The following NMD3 variants were observed in gnomAD, a reference collection of about 807,000 sequenced individuals.
NMD3 encodes NMD3 ribosome export adaptor.
Under a neutral mutation model 73.1 loss-of-function variants are expected in NMD3, and 47 were observed. The observed-to-expected ratio is 0.64, with a 90% CI of 0.51 to 0.82. NMD3 has a LOEUF of 0.82. Ranked by LOEUF, NMD3 falls within the 40% of genes least tolerant of loss-of-function variation. The probability of loss-of-function intolerance (pLI) is 0.00; values close to 1 mark genes in which losing one functional copy is unlikely to be tolerated. For missense variants in NMD3, 554 were observed against 612.5 expected (o/e 0.90, Z 1.01); for synonymous variants, 210 against 194.5 (o/e 1.08, Z -0.66).
chr3:161,221,956 CTCTTTT>C, intron 1 of NMD3, 32 bp from the exon 2 acceptor site: 1 of 1,029,930 alleles, frequency 9.7e-7, no homozygotes, highest in Non-Finnish European at 1.4e-6. Context: ...TCCCAACATT[CTCTTTT>C]TTTTTTTTTT....
chr3:161,238,251 A>G (rs1486587240), intron 8 of NMD3, 60 bp downstream of exon 8: 15 of 1,015,306 alleles, frequency 1.5e-5, no homozygotes, highest in East Asian at 4.9e-5. Context: ...TGCGGATCAC[A>G]TATATTCTTC....
intron 2 of NMD3, among the ~76,000 whole-genome samples, chr3:161,223,609 A>G (rs1444422526): frequency 6.6e-6 from 1 of 152,134 alleles, no homozygotes; most frequent in Non-Finnish European, 1.5e-5. Flanking sequence ...AATGTTCATT[A>G]GAGATAAGTA....
At position 161,252,237 on chromosome 3, in the gene NMD3, A is replaced by G. The variant is rs1279156780; in HGVS notation, c.*1327A>G. ...AAGTTCTCATTGGTGGTCTGTGTTT[A>G]CATCTTCCGTGTCAAGATATTTTAA... is the stretch of plus-strand genomic sequence containing the variant. On this transcript the variant is annotated 3_prime_UTR_variant, in exon 16 of 16. Transcript: ENST00000351193. 2 of 152,180 alleles carry G rather than the reference A, an allele frequency of 1.3e-5. No homozygotes were observed. The highest frequency in any genetic ancestry group is 2.9e-5 in the Non-Finnish European group (2 of 68,040). 9.4% of individuals were successfully genotyped at this position (152,180 alleles called of 1,614,324 possible). A position where few individuals can be genotyped will look rare whatever the true frequency, so the allele number is the denominator to read the frequency against.
intron 12 of NMD3, 52 bp from the exon 13 acceptor site, chr3:161,247,206 G>A: frequency 2.5e-6 from 3 of 1,179,834 alleles, no homozygotes; most frequent in African/African-American, 1.5e-5. Flanking sequence ...AAAATAAAAA[G>A]TTACACACAA....
chr3:161,242,482 T>C (rs752665987), intron 10 of NMD3, 26 bp from the exon 11 acceptor site: 2 of 1,596,606 alleles, frequency 1.3e-6, no homozygotes. Context: ...TTTTCTTATG[T>C]TTTTGTGTTC....
intron 5 of NMD3, among the ~76,000 whole-genome samples, chr3:161,234,179 A>G (rs77494833): frequency 0.032 from 4,816 of 151,944 alleles, 113 homozygotes; most frequent in South Asian, 0.13. Flanking sequence ...GTAAACATGT[A>G]TAGGCTGGGC....
intron 15 of NMD3, among the ~76,000 whole-genome samples, 191 bp from the exon 16 acceptor site, chr3:161,250,589 T>C (rs1019701540): frequency 3.3e-5 from 5 of 152,204 alleles, no homozygotes; most frequent in Admixed American, 2.6e-4. Context: ...AAGTATATTC[T>C]TACAGTTACT....
intron 4 of NMD3, among the ~76,000 whole-genome samples, chr3:161,233,128 TA>T (rs1350958547): frequency 6.8e-6 from 1 of 146,246 alleles, no homozygotes; most frequent in Non-Finnish European, 1.5e-5. Flanking sequence ...TTTTTTTTTT[TA>T]AGGGAAAAGA....
intron 2 of NMD3, chr3:161,222,940 A>C (rs762262921): frequency 1.3e-5 from 2 of 152,242 alleles, no homozygotes; most frequent in Non-Finnish European, 2.9e-5. Flanking sequence ...GGGTTTGAAT[A>C]AGCCATCTGA....
In NMD3 at chr3:161,231,483, T is replaced by A. The variant is rs547549367; in HGVS notation, c.277-1916T>A. On this transcript the variant is annotated intron_variant, in intron 4 of 15. Coordinates refer to ENST00000351193, the MANE Select transcript of NMD3 (RefSeq NM_015938.5). ...GTGTGGATATTGAAATCGCTAGGTA[T>A]TAATATTGTTGGAAAGTGTGATGGT... Among the ~76,000 whole-genome samples the A allele has an allele frequency of 4.4e-4, 67 of 152,276 alleles. No homozygotes were observed. In the South Asian group the frequency reaches 7.0e-3, roughly 16 times the overall value.
chr3:161,242,356 G>A, intron 10 of NMD3, 152 bp from the exon 11 acceptor site: 1 of 594,954 alleles, frequency 1.7e-6, no homozygotes, highest in Non-Finnish European at 2.9e-6. Context: ...TGGTTTATAG[G>A]AGTAATTGAT....
rs1413237465 is a variant in NMD3 at position 161,242,625 on chromosome 3, C to T, written c.989C>T (p.Ala330Val). The change falls in exon 11 of 16, where the codon GCT (alanine) becomes GTT (valine). Residue 330 changes from alanine to valine, a missense_variant. Transcript: ENST00000351193. ...ECSIVQDIKR[A>V]AGAGMISKKH... ...AGCATAGTCCAAGATATAAAACGTG[C>T]TGCAGGTGCTGGAATGATATCAAAA... is the stretch of plus-strand genomic sequence containing the variant. 6.2e-7 allele frequency: 1 copy of T among 1,612,852 alleles called. No homozygotes were observed.
intron 13 of NMD3, among the ~76,000 whole-genome samples, chr3:161,248,218 G>A (rs1425332210): frequency 2.0e-5 from 3 of 151,916 alleles, no homozygotes; most frequent in South Asian, 2.1e-4. Context: ...AGCCGGGTGC[G>A]GTGGCTCATG....
chr3:161,238,815 C>G lies in NMD3; in HGVS notation c.742C>G (p.Pro248Ala), dbSNP rs1201882209. The change falls in exon 9 of 16, where the codon CCA becomes GCA. Residue 248 changes from proline (P) to alanine (A), a missense_variant. Coordinates refer to ENST00000351193, the MANE Select transcript of NMD3 (RefSeq NM_015938.5). The stretch of plus-strand genomic sequence containing the variant: ...AAGCACTTTTTCTGTGGAAATTGTT[C>G]CAATATGCAAGGTACTTTTCTTTTT... ...YKSTFSVEIV[P>A]ICKDNVVCLS... is the part of the protein sequence containing the mutation. 1 of 1,493,532 alleles carries G rather than the reference C, an allele frequency of 6.7e-7. No homozygotes were observed. Among genetic ancestry groups the G allele is most frequent in the Non-Finnish European group, 9.3e-7 (1 of 1,080,648 alleles). 92.5% of individuals were successfully genotyped at this position (1,493,532 alleles called of 1,614,324 possible). A position where few individuals can be genotyped will look rare whatever the true frequency, so the allele number is the denominator to read the frequency against.
At chr3:161,225,392 G>A (rs1476062485) in intron 3 of NMD3, among the ~76,000 whole-genome samples, 2 of 151,350 alleles carry the variant, frequency 1.3e-5, no homozygotes, top group African/African-American at 4.9e-5. Context: ...TTATTATGAG[G>A]TTTTTTTTTC....
chr3:161,233,623 G>A lies in NMD3; in HGVS notation c.357+144G>A, dbSNP rs548704562. ...GCTGTTTGTTTTCTTTTGAGCATCT[G>A]TACAAATAATTAGATCACTAGTAAG... On this transcript the variant is annotated intron_variant, in intron 5 of 15. Transcript: ENST00000351193. 5.8e-6 allele frequency: 3 copies of A among 520,548 alleles called. No individual in the cohort carries two copies. In the East Asian group the frequency reaches 9.0e-5, roughly 16 times the overall value. The allele number at this position is 520,548 out of a possible 1,614,324, so 32.2% of individuals were successfully genotyped here.
chr3:161,234,815 C>A lies in NMD3; in HGVS notation c.446C>A (p.Ala149Asp). The A allele has an allele frequency of 6.2e-7, 1 of 1,613,284 alleles. No individual in the cohort carries two copies. The highest frequency in any genetic ancestry group is 8.5e-7 in the Non-Finnish European group (1 of 1,179,546). The change falls in exon 6 of 16, where the codon GCT (alanine) becomes GAT (aspartate). Residue 149 changes from alanine (A) to aspartate (D), a missense_variant. Coordinates refer to ENST00000351193, the MANE Select transcript of NMD3 (RefSeq NM_015938.5). ...QMCGDCHRVE[A>D]KDFWKAVIQV... ...TGTGGAGATTGCCATAGAGTAGAAG[C>A]TAAGGATTTCTGGAAGGCTGTGATT...
intron 4 of NMD3, among the ~76,000 whole-genome samples, chr3:161,229,892 A>G (rs1222828046): frequency 6.6e-6 from 1 of 152,174 alleles, no homozygotes; most frequent in Non-Finnish European, 1.5e-5. Flanking sequence ...TGATGAGTCA[A>G]GTAATGAGTT....
intron 4 of NMD3, among the ~76,000 whole-genome samples, chr3:161,228,071 AT>A (rs1560065206): frequency 1.3e-5 from 2 of 152,092 alleles, no homozygotes; most frequent in African/African-American, 4.8e-5. Flanking sequence ...ATTAAAAAAA[AT>A]AGTTTGTTTA....
Sources: allele counts gnomAD v4.1 joint callset (sites outside exome capture counted in the v4.1 genomes callset), GRCh38; gene constraint gnomAD v4.1.1; transcripts MANE v1.5; gene names NCBI Gene and HGNC (gene_info 2026-07-23, HGNC 2026-07-21).